The following ZNF556 variants were observed in gnomAD, a reference collection of about 807,000 sequenced individuals.
ZNF556 encodes the protein zinc finger protein 556.
A neutral mutation model predicts 13.6 loss-of-function variants in ZNF556; 11 were observed. The observed-to-expected ratio is 0.81, with a 90% CI of 0.51 to 1.33. The LOEUF (loss-of-function observed/expected upper bound fraction) is 1.33, where lower values mean the gene tolerates loss of function less well. Among genes scored for constraint, ZNF556 ranks in the 40% most tolerant of loss-of-function variants. ZNF556 has a pLI of 0.00. For synonymous variants in ZNF556, 229 were observed against 207.8 expected (o/e 1.10, Z -0.88); for missense variants, 633 against 566.2 (o/e 1.12, Z -1.20).
chr19:2,877,916 T>C lies in ZNF556; in HGVS notation c.958T>C (p.Cys320Arg). The stretch of plus-strand genomic sequence containing the variant: ...GGAGAAACCCTATAAGTGTGGAAAA[T>C]GCGGGAAAGCATTCGGTTGGCCCTC... ...NGEKPYKCGK[C>R]GKAFGWPSSL... The change falls in exon 4 of 4, where the codon TGC (cysteine) becomes CGC (arginine). Residue 320 changes from cysteine (C) to arginine (R), a missense_variant. Coordinates refer to ENST00000307635, the MANE Select transcript of ZNF556 (RefSeq NM_024967.3). 4 of 1,614,042 alleles carry C rather than the reference T, an allele frequency of 2.5e-6. No homozygotes were observed. The highest frequency in any genetic ancestry group is 3.4e-6 in the Non-Finnish European group (4 of 1,180,004).
rs1469667313 is a variant in ZNF556, at chr19:2,877,350, A to C, written c.392A>C (p.Asn131Thr). ...KRGRTFRKTR[N>T]CNRHLRKNCC... ...GGAAGAACCTTCAGAAAGACTCGAAATTGTAATCGTCATCTGCGCAAGAAT... is the reference window on the plus strand; with the variant it reads ...GGAAGAACCTTCAGAAAGACTCGAACTTGTAATCGTCATCTGCGCAAGAAT... The change falls in exon 4 of 4, where the codon AAT (asparagine) becomes ACT (threonine). Residue 131 changes from asparagine (N) to threonine (T), a missense_variant. Coordinates refer to ENST00000307635, the MANE Select transcript of ZNF556 (RefSeq NM_024967.3). 6.2e-7 allele frequency: 1 copy of C among 1,614,232 alleles called. No homozygotes were observed. Among genetic ancestry groups the C allele is most frequent in the African/African-American group, 1.3e-5 (1 of 75,052 alleles).
In ZNF556 at chr19:2,878,361, A is replaced by G. The variant is rs778884708; in HGVS notation, c.*32A>G. Reference sequence around the variant, plus strand: ...AAAACCTGTGCAAATTAATTCACATACATGGTTCAGAAAATTCACAGCAGG... The same window carrying G: ...AAAACCTGTGCAAATTAATTCACATGCATGGTTCAGAAAATTCACAGCAGG... On this transcript the variant is annotated 3_prime_UTR_variant, in exon 4 of 4. Transcript: ENST00000307635. The G allele has an allele frequency of 1.9e-6, 3 of 1,594,992 alleles. No individual in the cohort carries two copies. The highest frequency in any genetic ancestry group is 2.2e-5 in the East Asian group (1 of 44,676).
chr19:2,877,805 G>A lies in ZNF556; in HGVS notation c.847G>A (p.Gly283Arg), dbSNP rs774916035. ...TCGAGTCCATATGATCATGCACGCC[G>A]GAGGGAGACCGTATGAGTGCAAGCA... ...SFRVHMIMHA[G>R]GRPYECKQCG... Residue 283 changes from glycine (G) to arginine (R), a missense_variant, in exon 4 of 4, where the codon GGA (glycine) becomes AGA (arginine). Physicochemically the swap from Gly to Arg is moderately radical, Grantham distance 125. Coordinates refer to ENST00000307635, the MANE Select transcript of ZNF556 (RefSeq NM_024967.3). The A allele has an allele frequency of 4.6e-5, 75 of 1,614,044 alleles. No individual in the cohort carries two copies. Among genetic ancestry groups the A allele is most frequent in the East Asian group, 8.9e-5 (4 of 44,900 alleles).
Position 2,873,588 on chromosome 19 carries a change from C to G in ZNF556, c.96C>G (p.Val32=), listed in dbSNP as rs1035468564. ...CTCAGAGAAAACTCTACAGAGATGT[C>G]ATGCTGGAGACCTTCAAGCACCTGG... is the stretch of plus-strand genomic sequence containing the variant. The part of the protein sequence containing the change: ...NPAQRKLYRD[V]MLETFKHLAS... The change falls in exon 2 of 4, where the codon GTC becomes GTG. Residue 32 remains valine, a synonymous_variant. Coordinates refer to ENST00000307635, the MANE Select transcript of ZNF556 (RefSeq NM_024967.3). 2 of 1,614,084 alleles carry G rather than the reference C, an allele frequency of 1.2e-6. No individual in the cohort carries two copies. Among genetic ancestry groups the G allele is most frequent in the Non-Finnish European group, 1.7e-6 (2 of 1,179,962 alleles).
chr19:2,870,740 C>G (rs1370017871), intron 1 of ZNF556, among the ~76,000 whole-genome samples: 3 of 139,700 alleles, frequency 2.1e-5, no homozygotes, highest in Non-Finnish European at 4.6e-5. Flanking sequence ...GAGTGAGACT[C>G]CATCTCAAAA....
intron 3 of ZNF556, 42 bp downstream of exon 3, chr19:2,876,318 G>A (rs763560147): frequency 7.5e-5 from 115 of 1,526,680 alleles, no homozygotes; most frequent in South Asian, 5.2e-5. Context: ...CGCCAGGCAC[G>A]GTGGCTCATG....
chr19:2,877,419 A>T lies in ZNF556; in HGVS notation c.461A>T (p.Lys154Ile). The T allele has an allele frequency of 6.2e-7, 1 of 1,614,110 alleles. No homozygotes were observed. The highest frequency in any genetic ancestry group is 1.1e-5 in the South Asian group (1 of 91,084). ...VRRYECSQCGKLFTHSSSLIR... is the reference protein window; with the variant it reads ...VRRYECSQCGILFTHSSSLIR... ...CGGTACGAATGCAGTCAGTGTGGAA[A>T]ACTCTTCACCCATTCCTCATCCCTG... Residue 154 changes from lysine to isoleucine, a missense_variant, in exon 4 of 4, where the codon AAA becomes ATA. Physicochemically the swap from Lys to Ile is moderately radical, Grantham distance 102 (BLOSUM62 -3). Transcript: ENST00000307635.
intron 1 of ZNF556, 46 bp from the exon 2 acceptor site, chr19:2,873,448 CTG>C: frequency 1.2e-6 from 2 of 1,605,128 alleles, no homozygotes; most frequent in Non-Finnish European, 1.7e-6. Context: ...TTCCGCAGTG[CTG>C]TGAGTTTTAC....
intron 1 of ZNF556, among the ~76,000 whole-genome samples, chr19:2,871,121 G>A (rs191047332): frequency 1.6e-4 from 24 of 151,368 alleles, no homozygotes; most frequent in African/African-American, 1.9e-4. Flanking sequence ...CTGAGATCAC[G>A]CCACTGCACT....
chr19:2,871,929 C>T (rs1267242931), intron 1 of ZNF556, among the ~76,000 whole-genome samples: 1 of 152,202 alleles, frequency 6.6e-6, no homozygotes, highest in Non-Finnish European at 1.5e-5. Context: ...CACATGTCCA[C>T]TGGACAGGGG....
intron 1 of ZNF556, among the ~76,000 whole-genome samples, chr19:2,872,236 G>A (rs1229013983): frequency 2.6e-5 from 4 of 152,074 alleles, no homozygotes; most frequent in Non-Finnish European, 5.9e-5. Context: ...CTCCCCCGGG[G>A]GAAGGGAGAC....
chr19:2,878,430 G>C lies in ZNF556; in HGVS notation c.*101G>C. The C allele has an allele frequency of 2.5e-6, 3 of 1,213,102 alleles. No homozygotes were observed. Among genetic ancestry groups the C allele is most frequent in the Non-Finnish European group, 3.5e-6 (3 of 864,200 alleles). 75.1% of individuals were successfully genotyped at this position (1,213,102 alleles called of 1,614,324 possible). A position where few individuals can be genotyped will look rare whatever the true frequency, so the allele number is the denominator to read the frequency against. On this transcript the variant is annotated 3_prime_UTR_variant, in exon 4 of 4. Transcript: ENST00000307635. ...TCACGCCTGTAATCCCAGCACTTTG[G>C]GAGGCCGAGGCAGGCGGATCACGAG... is the stretch of plus-strand genomic sequence containing the variant.
intron 1 of ZNF556, among the ~76,000 whole-genome samples, chr19:2,871,401 CAG>C (rs1234371705): frequency 1.3e-5 from 2 of 152,120 alleles, no homozygotes; most frequent in African/African-American, 4.8e-5. Context: ...GGCTGAGGGA[CAG>C]GGGAAGTGGG....
In ZNF556 at chr19:2,877,781, C is replaced by T. The variant is rs139842259; in HGVS notation, c.823C>T (p.Arg275Ter). 7.3e-5 allele frequency: 118 copies of T among 1,613,530 alleles called. No individual in the cohort carries two copies. The highest frequency in any genetic ancestry group is 2.7e-4 in the Admixed American group (16 of 59,966). The stretch of plus-strand genomic sequence containing the variant: ...AGCCTTCAGGTGTCAGAAATCCTTT[C>T]GAGTCCATATGATCATGCACGCCGG... The part of the protein sequence containing the change: ...GKAFRCQKSF[R>*]VHMIMHAGGR... Residue 275 changes from arginine (R) to a stop codon, truncating the protein, a stop_gained, in exon 4 of 4, where the codon CGA (arginine) becomes TGA (stop). Coordinates refer to ENST00000307635, the MANE Select transcript of ZNF556 (RefSeq NM_024967.3). LOFTEE classifies it low-confidence loss of function (END_TRUNC).
At chr19:2,872,433 C>T (rs1273350346) in intron 1 of ZNF556, among the ~76,000 whole-genome samples, 1 of 152,106 alleles carries the variant, frequency 6.6e-6, no homozygotes, top group Non-Finnish European at 1.5e-5. Context: ...TCACTCCTCA[C>T]TATGTCCCCT....
chr19:2,872,284 C>T (rs986461631), intron 1 of ZNF556, among the ~76,000 whole-genome samples: 5 of 151,658 alleles, frequency 3.3e-5, no homozygotes, highest in African/African-American at 1.2e-4. Flanking sequence ...GGTGTTTTTC[C>T]TTGACACTTA....
chr19:2,869,964 C>T (rs2087788813), intron 1 of ZNF556, among the ~76,000 whole-genome samples: 2 of 152,200 alleles, frequency 1.3e-5, no homozygotes, highest in African/African-American at 2.4e-5. Flanking sequence ...TGTCCAGTCA[C>T]ACAGGCTCTG....
chr19:2,877,966 G>C lies in ZNF556; in HGVS notation c.1008G>C (p.Thr336=), dbSNP rs200506159. The change falls in exon 4 of 4, where the codon ACG becomes ACC. Residue 336 remains threonine (T), a synonymous_variant. Coordinates refer to ENST00000307635, the MANE Select transcript of ZNF556 (RefSeq NM_024967.3). Reference sequence around the variant, plus strand: ...CATCCTTACACAAACACGCGAGAACGCATGCTAAAAAGAAACCTGTGAGTG... The same window carrying C: ...CATCCTTACACAAACACGCGAGAACCCATGCTAAAAAGAAACCTGTGAGTG... The part of the protein sequence containing the change: ...WPSSLHKHAR[T]HAKKKPVSGG... 6.2e-7 allele frequency: 1 copy of C among 1,614,014 alleles called. No homozygotes were observed. The highest frequency in any genetic ancestry group is 8.5e-7 in the Non-Finnish European group (1 of 1,180,020).
At chr19:2,873,736 T>C (rs2087825412) in intron 2 of ZNF556, 114 bp downstream of exon 2, 1 of 1,319,922 alleles carries the variant, frequency 7.6e-7, no homozygotes, top group Non-Finnish European at 1.0e-6. Context: ...GGAGGATCAC[T>C]TGAGGCTAGG....
Sources: gnomAD v4.1 joint callset for allele counts (sites outside exome capture counted in the v4.1 genomes callset) on GRCh38, gnomAD v4.1.1 for gene constraint, MANE v1.5 for transcripts, NCBI Gene and HGNC (gene_info 2026-07-23, HGNC 2026-07-21) for gene names.